Variants in ADNP2 observed in about 807,000 individuals in gnomAD.
The protein encoded by ADNP2 is ADNP homeobox 2.
ADNP2 carries 8 observed loss-of-function variants against 16.4 expected under a neutral mutation model. The observed-to-expected ratio is 0.49, with a 90% CI of 0.29 to 0.88. The LOEUF is 0.88. Ranked by LOEUF, ADNP2 falls within the 40% of genes least tolerant of loss-of-function variation. ADNP2 has a pLI of 0.09. For synonymous variants in ADNP2, 637 were observed against 545.8 expected (o/e 1.17, Z -2.33); for missense variants, 1,397 against 1,395.1 (o/e 1.00, Z -0.02).
rs1388555500 is a variant in ADNP2 at position 80,138,620 on chromosome 18, T to G, written c.3207T>G (p.Ser1069Arg). 1 of 1,607,898 alleles carries G rather than the reference T, an allele frequency of 6.2e-7. No homozygotes were observed. The highest frequency in any genetic ancestry group is 8.5e-7 in the Non-Finnish European group (1 of 1,178,600). ...ATTTCCATAAGAAACCATATCCTAG[T>G]AAAAAGGAAATAGAACTGTTGTCCT... ...KDYFHKKPYPSKKEIELLSSL... is the reference protein window; with the variant it reads ...KDYFHKKPYPRKKEIELLSSL... The change falls in exon 4 of 4, where the codon AGT (serine) becomes AGG (arginine). Residue 1069 changes from serine to arginine, a missense_variant. By Grantham distance (110) the Ser-to-Arg change is moderately radical (BLOSUM62 -1). This residue lies in a region of ADNP2 where 611 missense variants were observed against 648.7 expected (regional missense o/e 0.94). Transcript: ENST00000262198.
chr18:80,136,826 A>C lies in ADNP2; in HGVS notation c.1413A>C (p.Ala471=). The change falls in exon 4 of 4, where the codon GCA becomes GCC. Residue 471 remains alanine, a synonymous_variant. Coordinates refer to ENST00000262198, the MANE Select transcript of ADNP2 (RefSeq NM_014913.4). ...CAGGGGTTATCCCTGGGCAAACAGC[A>C]ACTTCTGGGGTTCTTCCTACTGGCC... The part of the protein sequence containing the change: ...TPAGVIPGQT[A]TSGVLPTGQM... 1 of 1,613,460 alleles carries C rather than the reference A, an allele frequency of 6.2e-7. No individual in the cohort carries two copies. Among genetic ancestry groups the C allele is most frequent in the Non-Finnish European group, 8.5e-7 (1 of 1,179,716 alleles).
At position 80,136,980 on chromosome 18, in the gene ADNP2, A is replaced by G; in HGVS notation, c.1567A>G (p.Asn523Asp). The change falls in exon 4 of 4, where the codon AAC (asparagine) becomes GAC (aspartate). Residue 523 changes from asparagine (N) to aspartate (D), a missense_variant. Transcript: ENST00000262198. ...QVVPSGLLSP[N>D]QTVSSSAVVP... ...GGTCCCGTCTGGGCTTCTTTCTCCC[A>G]ACCAGACAGTCTCCTCCTCAGCTGT... 1 of 1,613,850 alleles carries G rather than the reference A, an allele frequency of 6.2e-7. No homozygotes were observed. The highest frequency in any genetic ancestry group is 8.5e-7 in the Non-Finnish European group (1 of 1,179,846).
At chr18:80,128,418 G>C (rs1047340306) in intron 2 of ADNP2, among the ~76,000 whole-genome samples, 1 of 152,218 alleles carries the variant, frequency 6.6e-6, no homozygotes, top group Non-Finnish European at 1.5e-5. Flanking sequence ...TTGGGAGGCC[G>C]AGGTGGATGG....
chr18:80,139,085 G>A lies in ADNP2; in HGVS notation c.*276G>A, dbSNP rs1260365468. On this transcript the variant is annotated 3_prime_UTR_variant, in exon 4 of 4. Coordinates refer to ENST00000262198, the MANE Select transcript of ADNP2 (RefSeq NM_014913.4). Reference sequence around the variant, plus strand: ...TGAAATCTTTTGATATTTCATGCACGCCTTGTTTTCCCACTAGTGTCAGTA... The same window carrying A: ...TGAAATCTTTTGATATTTCATGCACACCTTGTTTTCCCACTAGTGTCAGTA... 5 of 302,274 alleles carry A rather than the reference G, an allele frequency of 1.7e-5. No homozygotes were observed. Among genetic ancestry groups the A allele is most frequent in the Non-Finnish European group, 2.4e-5 (4 of 166,436 alleles). 18.7% of individuals were successfully genotyped at this position (302,274 alleles called of 1,614,324 possible). A position where few individuals can be genotyped will look rare whatever the true frequency, so the allele number is the denominator to read the frequency against.
intron 2 of ADNP2, 101 bp from the exon 3 acceptor site, chr18:80,133,002 T>C (rs1332717171): frequency 1.2e-6 from 1 of 854,978 alleles, no homozygotes; most frequent in Non-Finnish European, 1.9e-6. Flanking sequence ...ATTACAAGCA[T>C]GAACCACTAT....
intron 2 of ADNP2, 78 bp from the exon 3 acceptor site, chr18:80,133,025 A>T (rs1310921243): frequency 4.7e-6 from 5 of 1,061,412 alleles, no homozygotes; most frequent in Non-Finnish European, 7.1e-6. Context: ...CCGGCCTTAT[A>T]ATCTCATCAG....
In ADNP2 at chr18:80,137,293, C is replaced by A. The variant is rs770987604; in HGVS notation, c.1880C>A (p.Pro627His). 1 of 1,614,018 alleles carries A rather than the reference C, an allele frequency of 6.2e-7. No individual in the cohort carries two copies. Among genetic ancestry groups the A allele is most frequent in the Admixed American group, 1.7e-5 (1 of 59,998 alleles). Reference sequence around the variant, plus strand: ...CCCGTGTCTGTCACTCTGCCGGTTCCCCCTGGAGGCCTTGCGACTGTCGCT... The same window carrying A: ...CCCGTGTCTGTCACTCTGCCGGTTCACCCTGGAGGCCTTGCGACTGTCGCT... ...LAPVSVTLPV[P>H]PGGLATVAPP... The change falls in exon 4 of 4, where the codon CCC (proline) becomes CAC (histidine). Residue 627 changes from proline to histidine, a missense_variant. Pro to His is a moderately conservative substitution (Grantham distance 77). This residue lies in a region of ADNP2 where 611 missense variants were observed against 648.7 expected (regional missense o/e 0.94). Coordinates refer to ENST00000262198, the MANE Select transcript of ADNP2 (RefSeq NM_014913.4). The surrounding 1 kb of genome is among the most constrained non-coding windows in gnomAD (Gnocchi z 4.2).
intron 2 of ADNP2, among the ~76,000 whole-genome samples, chr18:80,132,725 C>T (rs747695242): frequency 1.3e-5 from 2 of 148,776 alleles, no homozygotes; most frequent in East Asian, 2.0e-4. Flanking sequence ...CTTTCTGTCT[C>T]TCTCTCTCTC....
Position 80,136,595 on chromosome 18 carries a change from G to C in ADNP2, c.1182G>C (p.Gln394His). The C allele has an allele frequency of 2.5e-6, 4 of 1,614,190 alleles. No homozygotes were observed. The highest frequency in any genetic ancestry group is 3.4e-6 in the Non-Finnish European group (4 of 1,180,034). Reference sequence around the variant, plus strand: ...GAACTAGTGTCCTCCCCATAAATCAGACTGTTCGCCCTGGGGTTTTACCCC... The same window carrying C: ...GAACTAGTGTCCTCCCCATAAATCACACTGTTCGCCCTGGGGTTTTACCCC... ...SVGTSVLPIN[Q>H]TVRPGVLPLT... Residue 394 changes from glutamine (Q) to histidine (H), a missense_variant, in exon 4 of 4, where the codon CAG becomes CAC. Gln to His is a conservative substitution (Grantham distance 24). This residue lies in a region of ADNP2 where 777 missense variants were observed against 719.4 expected (regional missense o/e 1.08). Coordinates refer to ENST00000262198, the MANE Select transcript of ADNP2 (RefSeq NM_014913.4).
In ADNP2 at chr18:80,139,616, T is replaced by C. The variant is rs532752421; in HGVS notation, c.*807T>C. The C allele has an allele frequency of 2.0e-5, 3 of 152,746 alleles. No individual in the cohort carries two copies. In the Middle Eastern group the frequency reaches 0.01, roughly 520 times the overall value. The allele number at this position is 152,746 out of a possible 1,614,324, so 9.5% of individuals were successfully genotyped here. ...CGTTCAGAGGTAAAACAATAAATTTTTAGTGCCTTTAGAATAAACATTGAA... is the reference window on the plus strand; with the variant it reads ...CGTTCAGAGGTAAAACAATAAATTTCTAGTGCCTTTAGAATAAACATTGAA... On this transcript the variant is annotated 3_prime_UTR_variant, in exon 4 of 4. Coordinates refer to ENST00000262198, the MANE Select transcript of ADNP2 (RefSeq NM_014913.4).
chr18:80,132,867 G>A (rs1258082798), intron 2 of ADNP2, among the ~76,000 whole-genome samples: 1 of 152,000 alleles, frequency 6.6e-6, no homozygotes, highest in East Asian at 1.9e-4. Flanking sequence ...GTACAGGCAT[G>A]TGCCACCATG....
chr18:80,138,364 A>G lies in ADNP2; in HGVS notation c.2951A>G (p.His984Arg), dbSNP rs1175925435. Residue 984 changes from histidine (H) to arginine (R), a missense_variant, in exon 4 of 4, where the codon CAC becomes CGC. Coordinates refer to ENST00000262198, the MANE Select transcript of ADNP2 (RefSeq NM_014913.4). ...GTTAAGAGAAAGCTGCCTGACGGCC[A>G]CTTAGGGGCCGAAGACCAGCGGCAT... Reference protein sequence around the residue: ...FSVKRKLPDGHLGAEDQRHGE... With the variant: ...FSVKRKLPDGRLGAEDQRHGE... 4 of 1,614,128 alleles carry G rather than the reference A, an allele frequency of 2.5e-6. No homozygotes were observed. The highest frequency in any genetic ancestry group is 3.4e-6 in the Non-Finnish European group (4 of 1,180,030).
At position 80,136,294 on chromosome 18, in the gene ADNP2, T is replaced by G. The variant is rs1197223092; in HGVS notation, c.881T>G (p.Leu294Arg). Reference sequence around the variant, plus strand: ...CCAGCGCAGCCTCCTTGCTTCCATCTTGCTTTGCCACAGAACAGTCCAAGC... The same window carrying G: ...CCAGCGCAGCCTCCTTGCTTCCATCGTGCTTTGCCACAGAACAGTCCAAGC... The part of the protein sequence containing the change: ...SAPAQPPCFH[L>R]ALPQNSPSPA... Residue 294 changes from leucine to arginine, a missense_variant, in exon 4 of 4, where the codon CTT (leucine) becomes CGT (arginine). Leu to Arg is a moderately radical substitution (Grantham distance 102, BLOSUM62 -2). Around this residue, in one of 3 missense-constraint regions of ADNP2, gnomAD observed 777 missense variants for 719.4 expected, o/e 1.08. Transcript: ENST00000262198. 4 of 1,613,682 alleles carry G rather than the reference T, an allele frequency of 2.5e-6. No homozygotes were observed. The highest frequency in any genetic ancestry group is 1.1e-5 in the South Asian group (1 of 91,084).
At chr18:80,133,072 A>G (rs1444289328) in intron 2 of ADNP2, 31 bp from the exon 3 acceptor site, 1 of 1,418,120 alleles carries the variant, frequency 7.1e-7, no homozygotes, top group African/African-American at 1.4e-5. Flanking sequence ...CTGAATTTAC[A>G]TAATCTCTTT....
At chr18:80,129,336 C>T (rs771816645) in intron 2 of ADNP2, among the ~76,000 whole-genome samples, 1 of 152,134 alleles carries the variant, frequency 6.6e-6, no homozygotes, top group Non-Finnish European at 1.5e-5. Context: ...CTCCAGACCT[C>T]AGATGATCCA....
At chr18:80,134,938 G>T (rs531966069) in intron 3 of ADNP2, among the ~76,000 whole-genome samples, 1 of 152,160 alleles carries the variant, frequency 6.6e-6, no homozygotes, top group Non-Finnish European at 1.5e-5. Context: ...GTAATGATGG[G>T]TTTAACATTT....
At chr18:80,111,532 A>G (rs1221384778) in intron 1 of ADNP2, among the ~76,000 whole-genome samples, 1 of 152,014 alleles carries the variant, frequency 6.6e-6, no homozygotes, top group Non-Finnish European at 1.5e-5. Context: ...TGTGGCTTAA[A>G]AAGTATTGTT....
intron 1 of ADNP2, among the ~76,000 whole-genome samples, chr18:80,116,539 C>G (rs528314336): frequency 7.1e-6 from 1 of 141,644 alleles, no homozygotes; most frequent in Non-Finnish European, 1.6e-5. Flanking sequence ...CTTGCCAACA[C>G]GTTTCCTTTT....
chr18:80,136,378 C>T lies in ADNP2; in HGVS notation c.965C>T (p.Ser322Phe). The T allele has an allele frequency of 7.4e-6, 12 of 1,613,904 alleles. No individual in the cohort carries two copies. Among genetic ancestry groups the T allele is most frequent in the Non-Finnish European group, 1.0e-5 (12 of 1,179,890 alleles). Residue 322 changes from serine to phenylalanine, a missense_variant, in exon 4 of 4, where the codon TCC (serine) becomes TTC (phenylalanine). Around this residue, in one of 3 missense-constraint regions of ADNP2, gnomAD observed 777 missense variants for 719.4 expected, o/e 1.08. Transcript: ENST00000262198. ...AQGAPGSLTHSPPAAGQSHMT... is the reference protein window; with the variant it reads ...AQGAPGSLTHFPPAAGQSHMT... ...GGTGCCCCTGGAAGCCTCACTCATT[C>T]CCCCCCTGCTGCTGGCCAATCCCAC...
Sources: allele counts gnomAD v4.1 joint callset (sites outside exome capture counted in the v4.1 genomes callset), GRCh38; gene constraint gnomAD v4.1.1; regional missense constraint gnomAD v4.1.1; non-coding constraint Gnocchi (gnomAD v3.1); transcripts MANE v1.5; gene names NCBI Gene and HGNC (gene_info 2026-07-23, HGNC 2026-07-21).